ARHGAP6: variants seen among roughly 807,000 people sequenced by gnomAD.
ARHGAP6 encodes the protein Rho GTPase activating protein 6.
ARHGAP6 carries 16 observed loss-of-function variants against 55.7 expected under a neutral mutation model. The observed-to-expected ratio is 0.29, with a 90% CI of 0.19 to 0.44. The LOEUF (loss-of-function observed/expected upper bound fraction) is 0.44, where lower values mean the gene tolerates loss of function less well. Ranked by LOEUF, ARHGAP6 falls within the 20% of genes least tolerant of loss-of-function variation. The probability of loss-of-function intolerance (pLI) is 1.00; values close to 1 mark genes in which losing one functional copy is unlikely to be tolerated. For synonymous variants in ARHGAP6, 382 were observed against 360.9 expected (o/e 1.06, Z -0.66); for missense variants, 698 against 808.9 (o/e 0.86, Z 1.66).
chrX:11,515,643 C>A (rs957076154), intron 1 of ARHGAP6, among the ~76,000 whole-genome samples: 1 of 111,740 alleles, frequency 8.9e-6, no homozygotes, highest in Non-Finnish European at 1.9e-5. Context: ...ATTTATTTTT[C>A]TTCTAAAACA....
intron 1 of ARHGAP6, among the ~76,000 whole-genome samples, chrX:11,571,709 A>AAATAACAATAAT (rs2051519647): frequency 1.0e-5 from 1 of 95,784 alleles, no homozygotes; most frequent in Non-Finnish European, 2.0e-5. Context: ...CTTGTATATT[A>AAATAACAATAAT]AATAATAATA....
At chrX:11,365,255 T>C (rs2049060964) in intron 1 of ARHGAP6, among the ~76,000 whole-genome samples, 1 of 112,113 alleles carries the variant, frequency 8.9e-6, no homozygotes, top group African/African-American at 3.2e-5. Flanking sequence ...CCCAACATCC[T>C]GACATTCTGT....
rs56023548 is a variant in ARHGAP6 at position 11,201,989 on chromosome X, C to CTGTGTGTGTGTGTGTGTGTG, written c.749-5013_749-4994dup. Among the ~76,000 whole-genome samples, 40 of 65,543 alleles carry CTGTGTGTGTGTGTGTGTGTG rather than the reference C, an allele frequency of 6.1e-4. 2 individuals are homozygous for CTGTGTGTGTGTGTGTGTGTG. Among genetic ancestry groups the CTGTGTGTGTGTGTGTGTGTG allele is most frequent in the African/African-American group, 1.0e-3 (17 of 16,331 alleles). 56.9% of individuals were successfully genotyped at this position (65,543 alleles called of 115,157 possible). A position where few individuals can be genotyped will look rare whatever the true frequency, so the allele number is the denominator to read the frequency against. On this transcript the variant is annotated intron_variant, in intron 2 of 12. Coordinates refer to ENST00000337414, the MANE Select transcript of ARHGAP6 (RefSeq NM_013427.3). ...CTGTGTGCAAACTGAGCATCTGGAT[C>CTGTGTGTGTGTGTGTGTGTG]TGTGTGTGTGTGTGTGTGTGTGTGT...
chrX:11,615,017 A>G (rs2052146806), intron 1 of ARHGAP6, among the ~76,000 whole-genome samples: 1 of 110,297 alleles, frequency 9.1e-6, no homozygotes. Flanking sequence ...CTGCTGGTGG[A>G]CCCATTCCCA....
intron 8 of ARHGAP6, among the ~76,000 whole-genome samples, chrX:11,172,884 A>G (rs774935771): frequency 1.8e-5 from 2 of 111,837 alleles, no homozygotes; most frequent in South Asian, 3.8e-4. Context: ...ATTCAAGAAA[A>G]CTTTTATCTT....
At chrX:11,328,897 C>T (rs980511900) in intron 1 of ARHGAP6, among the ~76,000 whole-genome samples, 16 of 112,059 alleles carry the variant, frequency 1.4e-4, no homozygotes, top group African/African-American at 4.5e-4. Flanking sequence ...AGACTATTAA[C>T]TCATGTAGCT....
At chrX:11,623,268 A>G (rs1276239190) in intron 1 of ARHGAP6, among the ~76,000 whole-genome samples, 2 of 111,928 alleles carry the variant, frequency 1.8e-5, no homozygotes, top group African/African-American at 6.5e-5. Context: ...TACAAAAATT[A>G]GTAGCATTTC....
intron 1 of ARHGAP6, among the ~76,000 whole-genome samples, chrX:11,378,481 A>G (rs899142888): frequency 2.3e-4 from 26 of 112,447 alleles, no homozygotes; most frequent in African/African-American, 7.7e-4. Flanking sequence ...AAATTCTTCC[A>G]TAACTATCCT....
At chrX:11,290,490 CAAAA>C (rs746332445) in intron 1 of ARHGAP6, 1,543 of 172,612 alleles carry the variant, frequency 8.9e-3, no homozygotes, top group East Asian at 0.011. Context: ...TCTACCCCAG[CAAAA>C]AAAAAAAAAA....
intron 1 of ARHGAP6, among the ~76,000 whole-genome samples, chrX:11,354,294 TTTCTCTCTC>T (rs2048900486): frequency 1.7e-5 from 1 of 59,873 alleles, no homozygotes; most frequent in Non-Finnish European, 3.0e-5. Flanking sequence ...TCTCTCTCTC[TTTCTCTCTC>T]TCTCTCTCTC....
At chrX:11,448,923 C>A (rs774339845) in intron 1 of ARHGAP6, among the ~76,000 whole-genome samples, 8 of 111,928 alleles carry the variant, frequency 7.1e-5, no homozygotes, top group Middle Eastern at 4.2e-3. Flanking sequence ...TCACCTTCAT[C>A]CAATTTTCTA....
intron 1 of ARHGAP6, among the ~76,000 whole-genome samples, chrX:11,540,063 G>A (rs1363487338): frequency 9.1e-6 from 1 of 109,858 alleles, no homozygotes; most frequent in Non-Finnish European, 1.9e-5. Flanking sequence ...AGACCAGCCT[G>A]GCCAAGATGG....
rs936902752 is a variant in ARHGAP6, at chrX:11,179,623, C to T, written c.1330-171G>A. 9.3e-5 allele frequency among the ~76,000 whole-genome samples: 10 copies of T among 106,962 alleles called. 1 individual carries two copies. In the Admixed American group the frequency reaches 1.0e-3, roughly 11 times the overall value. 92.9% of individuals were successfully genotyped at this position (106,962 alleles called of 115,157 possible). A position where few individuals can be genotyped will look rare whatever the true frequency, so the allele number is the denominator to read the frequency against. ...GATCTGCCGAGTTGACACAGTCCAGCTATGAATATGTGTGTGTGTGTGTGT... is the reference window on the plus strand; with the variant it reads ...GATCTGCCGAGTTGACACAGTCCAGTTATGAATATGTGTGTGTGTGTGTGT... On this transcript the variant is annotated intron_variant, in intron 6 of 12. Transcript: ENST00000337414.
At position 11,161,407 on chromosome X, in the gene ARHGAP6, A is replaced by T. The variant is rs767451938; in HGVS notation, c.1810-4781T>A. Reference sequence around the variant, plus strand: ...CTGACTTAAGCATACCTTTTCAGGAATTAGGATGCTGTAAAAAAAAATCTG... The same window carrying T: ...CTGACTTAAGCATACCTTTTCAGGATTTAGGATGCTGTAAAAAAAAATCTG... On this transcript the variant is annotated intron_variant, in intron 9 of 12. Transcript: ENST00000337414. 9.7e-5 allele frequency among the ~76,000 whole-genome samples: 10 copies of T among 103,366 alleles called. No homozygotes were observed. In the South Asian group the frequency reaches 3.3e-3, roughly 34 times the overall value. The allele number at this position is 103,366 out of a possible 115,157, so 89.8% of individuals were successfully genotyped here. A position where few individuals can be genotyped will look rare whatever the true frequency, so the allele number is the denominator to read the frequency against.
intron 1 of ARHGAP6, among the ~76,000 whole-genome samples, chrX:11,364,985 G>T (rs1002720884): frequency 4.5e-5 from 5 of 111,443 alleles, no homozygotes; most frequent in Non-Finnish European, 9.4e-5. Flanking sequence ...GTGAAAGGAA[G>T]GTGGGGGAAA....
intron 4 of ARHGAP6, 77 bp downstream of exon 4, chrX:11,188,651 G>T: frequency 8.8e-7 from 1 of 1,134,218 alleles, no homozygotes; most frequent in South Asian, 2.1e-5. Flanking sequence ...GTTTTCACAT[G>T]AACAAAAACG....
At chrX:11,554,177 T>A (rs749334985) in intron 1 of ARHGAP6, among the ~76,000 whole-genome samples, 1 of 111,595 alleles carries the variant, frequency 9.0e-6, no homozygotes, top group Admixed American at 9.5e-5. Flanking sequence ...TAGTGTTAAG[T>A]GAAATATGCC....
intron 1 of ARHGAP6, among the ~76,000 whole-genome samples, chrX:11,575,725 A>G (rs1207969158): frequency 2.7e-5 from 3 of 112,274 alleles, no homozygotes; most frequent in Non-Finnish European, 5.6e-5. Flanking sequence ...GGCAACTTTG[A>G]AAGCAGAAAT....
intron 1 of ARHGAP6, among the ~76,000 whole-genome samples, chrX:11,277,724 C>A (rs2047796638): frequency 9.3e-6 from 1 of 107,667 alleles, no homozygotes; most frequent in Admixed American, 9.9e-5. Context: ...AAAAAATTAG[C>A]CCTGTAATGG....
Sources: allele counts gnomAD v4.1 joint callset (sites outside exome capture counted in the v4.1 genomes callset), GRCh38; gene constraint gnomAD v4.1.1; transcripts MANE v1.5; gene names NCBI Gene and HGNC (gene_info 2026-07-23, HGNC 2026-07-21).